PTPRG: variants seen among roughly 807,000 people sequenced by gnomAD.
The protein encoded by PTPRG is receptor-type tyrosine-protein phosphatase gamma.
Under a neutral mutation model 165.3 loss-of-function variants are expected in PTPRG, and 102 were observed. That is an observed-to-expected ratio of 0.62 (90% CI 0.53 to 0.73). The LOEUF is 0.73. Ranked by LOEUF, PTPRG falls within the 30% of genes least tolerant of loss-of-function variation. The probability of loss-of-function intolerance (pLI) is 0.00; values close to 1 mark genes in which losing one functional copy is unlikely to be tolerated. For missense variants in PTPRG, 1,866 were observed against 1,861.4 expected (o/e 1.00, Z -0.05); for synonymous variants, 675 against 669.5 (o/e 1.01, Z -0.13).
intron 4 of PTPRG, among the ~76,000 whole-genome samples, chr3:62,030,547 G>A: frequency 6.6e-6 from 1 of 152,116 alleles, no homozygotes; most frequent in East Asian, 1.9e-4. Context: ...ATTGGTAAAG[G>A]GAATTACACT....
At chr3:61,815,005 C>T (rs1218331600) in intron 2 of PTPRG, among the ~76,000 whole-genome samples, 1 of 151,884 alleles carries the variant, frequency 6.6e-6, no homozygotes, top group Non-Finnish European at 1.5e-5. Flanking sequence ...TACATTTTCT[C>T]CTCTGCAGGG....
intron 1 of PTPRG, among the ~76,000 whole-genome samples, chr3:61,596,858 C>T (rs917274479): frequency 6.6e-6 from 1 of 152,060 alleles, no homozygotes; most frequent in African/African-American, 2.4e-5. Context: ...ATAATTGTCT[C>T]AAGGTTTTTA....
intron 1 of PTPRG, among the ~76,000 whole-genome samples, chr3:61,639,661 T>G (rs942846335): frequency 6.6e-6 from 1 of 152,304 alleles, no homozygotes; most frequent in Non-Finnish European, 1.5e-5. Context: ...TTTATTCTTT[T>G]TTGTGGCTAT....
chr3:61,844,671 TC>T (rs58251581), intron 2 of PTPRG, among the ~76,000 whole-genome samples: 169 of 149,994 alleles, frequency 1.1e-3, no homozygotes, highest in African/African-American at 3.8e-3. Flanking sequence ...TTTTTTTTTT[TC>T]CCCCTGTTTG....
At chr3:61,980,994 G>T (rs1343062324) in intron 2 of PTPRG, among the ~76,000 whole-genome samples, 5 of 152,172 alleles carry the variant, frequency 3.3e-5, no homozygotes. Context: ...TTCTCATGCT[G>T]CTGTGAAGAA....
At chr3:62,191,682 A>G (rs1409974941) in intron 9 of PTPRG, 29 bp downstream of exon 9, 7 of 1,603,094 alleles carry the variant, frequency 4.4e-6, no homozygotes, top group Non-Finnish European at 5.1e-6. Flanking sequence ...GATTCAGGGT[A>G]CATGCTGCAG....
At chr3:62,259,590 C>T (rs191404417) in intron 16 of PTPRG, among the ~76,000 whole-genome samples, 2 of 152,128 alleles carry the variant, frequency 1.3e-5, no homozygotes, top group Admixed American at 6.5e-5. Flanking sequence ...TTAAGAAAAA[C>T]GTTTTTAAAC....
chr3:62,209,479 C>T (rs576990257), intron 12 of PTPRG, among the ~76,000 whole-genome samples: 65 of 152,308 alleles, frequency 4.3e-4, no homozygotes, highest in African/African-American at 1.4e-3. Context: ...GGGCAGAAAT[C>T]ATGAATGCAG....
intron 7 of PTPRG, among the ~76,000 whole-genome samples, chr3:62,159,251 A>C (rs1158993583): frequency 1.3e-5 from 2 of 152,018 alleles, no homozygotes; most frequent in Non-Finnish European, 2.9e-5. Context: ...GGATCACTTG[A>C]GTCTAGGAGG....
At chr3:61,811,904 T>C (rs1439133472) in intron 2 of PTPRG, among the ~76,000 whole-genome samples, 1 of 152,226 alleles carries the variant, frequency 6.6e-6, no homozygotes, top group Non-Finnish European at 1.5e-5. Context: ...AAATCAGATC[T>C]AACGGTTTAG....
intron 2 of PTPRG, among the ~76,000 whole-genome samples, chr3:61,870,321 T>G (rs1002502302): frequency 2.3e-4 from 34 of 150,222 alleles, no homozygotes; most frequent in African/African-American, 7.8e-4. Flanking sequence ...ATTATTCTTT[T>G]TTTTTTTTTT....
chr3:62,051,059 C>A (rs1260337700), intron 4 of PTPRG, among the ~76,000 whole-genome samples: 1 of 152,144 alleles, frequency 6.6e-6, no homozygotes, highest in Admixed American at 6.5e-5. Flanking sequence ...GCGGTCAAGT[C>A]AACAGGTGTC....
At chr3:61,881,216 GT>G (rs2037881080) in intron 2 of PTPRG, among the ~76,000 whole-genome samples, 1 of 152,142 alleles carries the variant, frequency 6.6e-6, no homozygotes, top group African/African-American at 2.4e-5. Flanking sequence ...CCGATAGATT[GT>G]AAGTCTGTGC....
At chr3:61,992,637 A>G (rs2040926231) in intron 3 of PTPRG, among the ~76,000 whole-genome samples, 1 of 152,042 alleles carries the variant, frequency 6.6e-6, no homozygotes, top group Non-Finnish European at 1.5e-5. Flanking sequence ...CTCCCACCTC[A>G]GCAACCCGAG....
chr3:61,806,999 T>C (rs764461143), intron 2 of PTPRG, among the ~76,000 whole-genome samples: 2 of 152,218 alleles, frequency 1.3e-5, no homozygotes, highest in Non-Finnish European at 2.9e-5. Flanking sequence ...ATGCCTTTTA[T>C]CTTGCCATTT....
chr3:61,947,415 G>A (rs1168452792), intron 2 of PTPRG, among the ~76,000 whole-genome samples: 1 of 152,176 alleles, frequency 6.6e-6, no homozygotes, highest in Non-Finnish European at 1.5e-5. Context: ...CCGGTGCCAG[G>A]GCAATATGGG....
chr3:61,643,277 A>AGAGAGAGAGAGAG (rs1559537079), intron 1 of PTPRG, among the ~76,000 whole-genome samples: 3 of 149,742 alleles, frequency 2.0e-5, no homozygotes, highest in East Asian at 3.9e-4. Flanking sequence ...GAGAGAGAGA[A>AGAGAGAGAGAGAG]AGAGAGAGAG....
At position 62,296,516 on chromosome 3, in the gene PTPRG, A is replaced by G. The variant is rs1703068452; in HGVS notation, c.*3209A>G. The G allele has an allele frequency of 6.6e-6, 1 of 152,036 alleles. No homozygotes were observed. Among genetic ancestry groups the G allele is most frequent in the South Asian group, 2.1e-4 (1 of 4,828 alleles). 9.4% of individuals were successfully genotyped at this position (152,036 alleles called of 1,614,324 possible). ...AACTAAAAAAAAAACCCAACTCATC[A>G]TAATTTAAGAATCAAAATGTAGTTT... is the stretch of plus-strand genomic sequence containing the variant. On this transcript the variant is annotated 3_prime_UTR_variant, in exon 30 of 30. Transcript: ENST00000474889.
intron 14 of PTPRG, 80 bp downstream of exon 14, chr3:62,231,391 G>C: frequency 8.3e-7 from 1 of 1,199,700 alleles, no homozygotes; most frequent in East Asian, 2.7e-5. Context: ...GTTGCCATGG[G>C]GATTGAAGTC....
Sources: gnomAD v4.1 joint callset for allele counts (sites outside exome capture counted in the v4.1 genomes callset) on GRCh38, gnomAD v4.1.1 for gene constraint, MANE v1.5 for transcripts, NCBI Gene and HGNC (gene_info 2026-07-23, HGNC 2026-07-21) for gene names.